The following BLTP2 variants were observed in gnomAD, a reference collection of about 807,000 sequenced individuals.
BLTP2 encodes the protein bridge-like lipid transfer protein family member 2.
the BLTP2 span, chr17:28,619,749 C>G: frequency 1.2e-6 from 2 of 1,613,880 alleles, no homozygotes; most frequent in Non-Finnish European, 1.7e-6. Flanking sequence ...CAAGCAGATT[C>G]TCATTCTTGC....
At chr17:28,636,431 C>T in the BLTP2 span, among the ~76,000 whole-genome samples, 3 of 152,202 alleles carry the variant, frequency 2.0e-5, no homozygotes, top group Admixed American at 1.3e-4. Flanking sequence ...AACACCAGAT[C>T]ATTCTTTTTA....
chr17:28,622,178 GCT>G, the BLTP2 span, among the ~76,000 whole-genome samples: 1 of 152,322 alleles, frequency 6.6e-6, no homozygotes, highest in East Asian at 1.9e-4. Flanking sequence ...GATCCTGATA[GCT>G]CATCCATTCT....
chr17:28,627,050 T>C, the BLTP2 span, among the ~76,000 whole-genome samples: 1 of 152,174 alleles, frequency 6.6e-6, no homozygotes, highest in Non-Finnish European at 1.5e-5. Context: ...AGTGTCAGAA[T>C]TGAACTGAAT....
the BLTP2 span, among the ~76,000 whole-genome samples, chr17:28,625,417 T>A: frequency 6.6e-6 from 1 of 150,988 alleles, no homozygotes; most frequent in South Asian, 2.1e-4. Context: ...AATATTCTCT[T>A]ACCTCTATGC....
the BLTP2 span, among the ~76,000 whole-genome samples, chr17:28,629,273 C>G: frequency 1.3e-5 from 2 of 150,436 alleles, no homozygotes; most frequent in African/African-American, 4.9e-5. Context: ...CTGGTTCTGT[C>G]TCCCAGGCTG....
At chr17:28,637,203 C>T in the BLTP2 span, 1 of 1,585,586 alleles carries the variant, frequency 6.3e-7, no homozygotes. Context: ...GCCTTGGTTC[C>T]CGGCTCTCAA....
chr17:28,636,437 T>C, the BLTP2 span, among the ~76,000 whole-genome samples: 3 of 152,236 alleles, frequency 2.0e-5, no homozygotes, highest in African/African-American at 7.2e-5. Context: ...AGATCATTCT[T>C]TTTAAAAAGC....
the BLTP2 span, chr17:28,642,583 G>A: frequency 2.3e-5 from 13 of 562,264 alleles, no homozygotes; most frequent in South Asian, 1.1e-4. Context: ...CCCAGGAGGC[G>A]GAGCTTGCAG....
the BLTP2 span, chr17:28,635,690 AC>A: frequency 1.4e-6 from 2 of 1,408,056 alleles, no homozygotes; most frequent in Middle Eastern, 2.4e-4. Flanking sequence ...ACACATGCAC[AC>A]CTGGCTCAAG....
At chr17:28,630,476 T>TG in the BLTP2 span, among the ~76,000 whole-genome samples, 38 of 144,638 alleles carry the variant, frequency 2.6e-4, no homozygotes, top group African/African-American at 9.8e-4. Context: ...TTTTTTTTTT[T>TG]TTTTTTTTTT....
chr17:28,634,643 G>A, the BLTP2 span: 4 of 1,614,216 alleles, frequency 2.5e-6, no homozygotes, highest in East Asian at 2.2e-5. Flanking sequence ...TCAGGACCAT[G>A]GAAGGAGGCA....
At chr17:28,644,374 T>C in the BLTP2 span, among the ~76,000 whole-genome samples, 1 of 152,250 alleles carries the variant, frequency 6.6e-6, no homozygotes, top group Admixed American at 6.5e-5. Flanking sequence ...AGCTCCCGAC[T>C]GACCCCTCCA....
At chr17:28,621,928 C>T in the BLTP2 span, among the ~76,000 whole-genome samples, 1 of 152,084 alleles carries the variant, frequency 6.6e-6, no homozygotes, top group Non-Finnish European at 1.5e-5. Context: ...TATTTTTATT[C>T]ACTCTGCCAA....
chr17:28,629,028 ACTATACCT>A, the BLTP2 span, among the ~76,000 whole-genome samples: 1 of 151,972 alleles, frequency 6.6e-6, no homozygotes, highest in African/African-American at 2.4e-5. Flanking sequence ...TTACATTCAA[ACTATACCT>A]ACTGTATTTT....
chr17:28,624,853 T>G, the BLTP2 span, among the ~76,000 whole-genome samples: 1 of 152,162 alleles, frequency 6.6e-6, no homozygotes, highest in African/African-American at 2.4e-5. Flanking sequence ...GCTCCTCAGA[T>G]CCATCCTTGG....
At chr17:28,618,740 G>A in the BLTP2 span, 2 of 1,480,924 alleles carry the variant, frequency 1.4e-6, no homozygotes, top group East Asian at 2.3e-5. Flanking sequence ...CCTAAGCTAG[G>A]TCAATGTCTC....
At chr17:28,636,956 G>C in the BLTP2 span, 3 of 1,612,362 alleles carry the variant, frequency 1.9e-6, no homozygotes, top group South Asian at 2.2e-5. Flanking sequence ...CTCTCCACAG[G>C]AACATTACCT....
chr17:28,620,409 T>C, the BLTP2 span: 2 of 1,392,372 alleles, frequency 1.4e-6, no homozygotes, highest in South Asian at 1.3e-5. Flanking sequence ...AGGCCCTTTT[T>C]CAGTGTGAAG....
At chr17:28,635,094 C>A in the BLTP2 span, 1 of 1,612,964 alleles carries the variant, frequency 6.2e-7, no homozygotes, top group Non-Finnish European at 8.5e-7. Flanking sequence ...AAAAGTCATA[C>A]TGATAAGGAA....
Sources: allele counts gnomAD v4.1 joint callset (sites outside exome capture counted in the v4.1 genomes callset), GRCh38; gene constraint gnomAD v4.1.1; transcripts MANE v1.5; gene names NCBI Gene and HGNC (gene_info 2026-07-23, HGNC 2026-07-21).